KLF12: variants seen among roughly 807,000 people sequenced by gnomAD.
KLF12 encodes KLF transcription factor 12.
A neutral mutation model predicts 37.8 loss-of-function variants in KLF12; 9 were observed. The observed-to-expected ratio is 0.24, with a 90% CI of 0.14 to 0.42. KLF12 has a LOEUF of 0.42. Ranked by LOEUF, KLF12 falls within the 10% of genes least tolerant of loss-of-function variation. The pLI, the probability that KLF12 is intolerant of heterozygous loss-of-function variation, is 1.00. For synonymous variants in KLF12, 208 were observed against 202.1 expected (o/e 1.03, Z -0.25); for missense variants, 411 against 516.0 (o/e 0.80, Z 1.97).
At chr13:73,960,010 A>G (rs7320592) in intron 2 of KLF12, among the ~76,000 whole-genome samples, 110,490 of 151,968 alleles carry the variant, frequency 0.73, 40,942 homozygotes, top group East Asian at 0.89. Flanking sequence ...ATACATAAAT[A>G]GATGAGAAAC....
At chr13:74,185,243 A>T in the KLF12 span, among the ~76,000 whole-genome samples, 5 of 152,368 alleles carry the variant, frequency 3.3e-5, no homozygotes, top group South Asian at 2.1e-4. Flanking sequence ...TAATATTTTT[A>T]AAAATTCCTT....
chr13:73,995,195 T>C (rs1892075483), intron 1 of KLF12, 142 bp from the exon 2 acceptor site: 9 of 604,440 alleles, frequency 1.5e-5, no homozygotes, highest in Non-Finnish European at 2.3e-5. Context: ...TTTCTTCAGC[T>C]ATGTGTTGTT....
chr13:74,158,701 T>C, the KLF12 span, among the ~76,000 whole-genome samples: 1 of 152,168 alleles, frequency 6.6e-6, no homozygotes, highest in East Asian at 1.9e-4. Context: ...TGTTGGGTAA[T>C]GTGGGGTGGG....
At chr13:74,197,443 T>C in the KLF12 span, among the ~76,000 whole-genome samples, 1 of 140,124 alleles carries the variant, frequency 7.1e-6, no homozygotes, top group Non-Finnish European at 1.6e-5. Context: ...CCTCCAATTG[T>C]TTACAAGCAT....
chr13:74,260,018 G>A, the KLF12 span: 1 of 152,060 alleles, frequency 6.6e-6, no homozygotes, highest in Non-Finnish European at 1.5e-5. Flanking sequence ...TTTTTCTAGT[G>A]AATTTATAAA....
chr13:74,051,313 A>G (rs1872905013), intron 1 of KLF12, among the ~76,000 whole-genome samples: 1 of 146,660 alleles, frequency 6.8e-6, no homozygotes, highest in Admixed American at 7.0e-5. Context: ...GATAAAGAAA[A>G]TGTGGTGTGT....
intron 1 of KLF12, among the ~76,000 whole-genome samples, chr13:74,016,787 C>T (rs528622072): frequency 3.3e-5 from 5 of 152,306 alleles, no homozygotes; most frequent in African/African-American, 4.8e-5. Flanking sequence ...ACATGCCCTA[C>T]ACTTTTTTGT....
intron 4 of KLF12, among the ~76,000 whole-genome samples, chr13:73,821,386 A>C (rs1235149669): frequency 6.6e-6 from 1 of 152,168 alleles, no homozygotes; most frequent in Non-Finnish European, 1.5e-5. Flanking sequence ...GTATTCCTCA[A>C]AAATCATTTC....
At chr13:73,965,055 G>A (rs1217030404) in intron 2 of KLF12, among the ~76,000 whole-genome samples, 2 of 152,124 alleles carry the variant, frequency 1.3e-5, no homozygotes, top group Non-Finnish European at 1.5e-5. Flanking sequence ...GTCCCAAGGG[G>A]TAGGGATGCA....
chr13:74,135,165 C>A (rs1423570831), upstream of KLF12, among the ~76,000 whole-genome samples: 1 of 151,958 alleles, frequency 6.6e-6, no homozygotes, highest in African/African-American at 2.4e-5. Context: ...CCCTGCGCTT[C>A]ACCTTGGCGG....
At chr13:74,305,712 A>C in the KLF12 span, among the ~76,000 whole-genome samples, 1 of 152,154 alleles carries the variant, frequency 6.6e-6, no homozygotes, top group African/African-American at 2.4e-5. Flanking sequence ...AAATGACTAG[A>C]GCTCCCTTAA....
intron 7 of KLF12, among the ~76,000 whole-genome samples, chr13:73,711,869 A>G (rs568561768): frequency 1.3e-5 from 2 of 152,306 alleles, no homozygotes; most frequent in African/African-American, 4.8e-5. Context: ...AAACCCCTGG[A>G]GAGGATTCAC....
At chr13:73,979,816 ACT>A (rs1891643358) in intron 2 of KLF12, among the ~76,000 whole-genome samples, 1 of 152,100 alleles carries the variant, frequency 6.6e-6, no homozygotes, top group Non-Finnish European at 1.5e-5. Context: ...GAATATTGAG[ACT>A]CTATTTAGAG....
At chr13:74,266,127 T>A in the KLF12 span, among the ~76,000 whole-genome samples, 4 of 152,168 alleles carry the variant, frequency 2.6e-5, no homozygotes, top group Non-Finnish European at 1.5e-5. Flanking sequence ...TGCAGTGCAA[T>A]CAACTCTACC....
chr13:74,199,759 G>T, the KLF12 span, among the ~76,000 whole-genome samples: 2 of 152,134 alleles, frequency 1.3e-5, no homozygotes, highest in Non-Finnish European at 2.9e-5. Flanking sequence ...ATGGGAATGG[G>T]CCTTAGGAGA....
chr13:74,199,941 C>T, the KLF12 span, among the ~76,000 whole-genome samples: 2 of 152,102 alleles, frequency 1.3e-5, no homozygotes, highest in African/African-American at 4.8e-5. Flanking sequence ...AAGTAATGAT[C>T]ACTAGTCATT....
intron 1 of KLF12, among the ~76,000 whole-genome samples, chr13:74,057,367 C>A (rs942356182): frequency 6.6e-6 from 1 of 152,142 alleles, no homozygotes; most frequent in Non-Finnish European, 1.5e-5. Flanking sequence ...TCCCCAGGGA[C>A]CGAGAGGGAA....
At chr13:74,065,954 G>A (rs187753835) in intron 1 of KLF12, among the ~76,000 whole-genome samples, 2 of 152,180 alleles carry the variant, frequency 1.3e-5, no homozygotes, top group Admixed American at 1.3e-4. Flanking sequence ...GTAACTAGCT[G>A]ATACAGTAAT....
rs773799833 is a variant in KLF12 at position 73,688,153 on chromosome 13, T to C, written c.*7337A>G. On this transcript the variant is annotated 3_prime_UTR_variant, in exon 8 of 8. Coordinates refer to ENST00000377669, the MANE Select transcript of KLF12 (RefSeq NM_007249.5). Reference sequence around the variant, plus strand: ...TATGAGAAATGACATTCTCTTAATGTTTTCTAAGTCCATTAGTACTTCCAT... The same window carrying C: ...TATGAGAAATGACATTCTCTTAATGCTTTCTAAGTCCATTAGTACTTCCAT... 1 of 152,612 alleles carries C rather than the reference T, an allele frequency of 6.6e-6. No homozygotes were observed. The highest frequency in any genetic ancestry group is 2.1e-4 in the South Asian group (1 of 4,826). 9.5% of individuals were successfully genotyped at this position (152,612 alleles called of 1,614,324 possible).
Sources: allele counts gnomAD v4.1 joint callset (sites outside exome capture counted in the v4.1 genomes callset), GRCh38; gene constraint gnomAD v4.1.1; transcripts MANE v1.5; gene names NCBI Gene and HGNC (gene_info 2026-07-23, HGNC 2026-07-21).